The following PTK2B variants were observed in gnomAD, a reference collection of about 807,000 sequenced individuals.
PTK2B encodes the protein protein tyrosine kinase 2 beta, also known as protein-tyrosine kinase 2-beta.
In PTK2B, 71 loss-of-function variants were observed where a neutral mutation model predicts 142.9. That is an observed-to-expected ratio of 0.50 (90% CI 0.41 to 0.61). PTK2B has a LOEUF of 0.61. Among genes scored for constraint, PTK2B ranks in the 20% least tolerant of loss-of-function variants. The pLI is 0.00. For missense variants in PTK2B, 1,105 were observed against 1,320.4 expected (o/e 0.84, Z 2.53); for synonymous variants, 519 against 503.4 (o/e 1.03, Z -0.42).
intron 1 of PTK2B, among the ~76,000 whole-genome samples, chr8:27,393,571 A>G (rs980191614): frequency 2.0e-5 from 3 of 152,150 alleles, no homozygotes; most frequent in African/African-American, 7.2e-5. Context: ...CAGGACCGAT[A>G]TGGGAGTTGG....
chr8:27,359,009 T>C (rs1805542908), intron 1 of PTK2B, among the ~76,000 whole-genome samples: 1 of 152,186 alleles, frequency 6.6e-6, no homozygotes, highest in African/African-American at 2.4e-5. Context: ...TGTCCACTGG[T>C]ATTATAGTAT....
chr8:27,434,093 A>G lies in PTK2B; in HGVS notation c.1106A>G (p.Asp369Gly), dbSNP rs1175348461. Residue 369 changes from aspartate to glycine, a missense_variant and splice_region_variant, in exon 12 of 31, where the codon GAT (aspartate) becomes GGT (glycine). Physicochemically the swap from Asp to Gly is moderately conservative, Grantham distance 94. Transcript: ENST00000346049. The stretch of plus-strand genomic sequence containing the variant: ...CTCCTCCTTCCTCCTCTCTTCCTAG[A>G]TGGTGAGAAGCGGAACAGCCTGCCC... ...QGSLIIHPRK[D>G]GEKRNSLPQI... is the part of the protein sequence containing the mutation. 4 of 1,613,952 alleles carry G rather than the reference A, an allele frequency of 2.5e-6. No homozygotes were observed. Among genetic ancestry groups the G allele is most frequent in the African/African-American group, 2.7e-5 (2 of 74,882 alleles).
intron 1 of PTK2B, among the ~76,000 whole-genome samples, chr8:27,339,952 G>A (rs990575599): frequency 6.6e-5 from 10 of 152,342 alleles, no homozygotes; most frequent in South Asian, 6.2e-4. Context: ...CGGTCAGGAC[G>A]GAGTCTCACC....
chr8:27,425,178 CAT>C (rs919894530), intron 5 of PTK2B, among the ~76,000 whole-genome samples: 9 of 151,144 alleles, frequency 6.0e-5, no homozygotes, highest in African/African-American at 1.7e-4. Flanking sequence ...TACTATATAA[CAT>C]ATATATGCTA....
intron 1 of PTK2B, among the ~76,000 whole-genome samples, chr8:27,384,274 G>T (rs975058173): frequency 6.6e-6 from 1 of 152,234 alleles, no homozygotes; most frequent in African/African-American, 2.4e-5. Flanking sequence ...GGGATGACAG[G>T]CATGAGCCAC....
intron 2 of PTK2B, among the ~76,000 whole-genome samples, chr8:27,401,022 C>T (rs919744509): frequency 6.6e-6 from 1 of 152,064 alleles, no homozygotes; most frequent in Non-Finnish European, 1.5e-5. Flanking sequence ...ACCTGTAATC[C>T]CAGCTACTCA....
At chr8:27,395,120 A>G (rs1318204404) in intron 1 of PTK2B, among the ~76,000 whole-genome samples, 1 of 152,204 alleles carries the variant, frequency 6.6e-6, no homozygotes, top group East Asian at 1.9e-4. Flanking sequence ...TAAAAATTAT[A>G]GTAGAGGAAG....
chr8:27,454,769 A>G (rs1812044979), intron 30 of PTK2B, among the ~76,000 whole-genome samples, 158 bp downstream of exon 30: 1 of 152,172 alleles, frequency 6.6e-6, no homozygotes, highest in Non-Finnish European at 1.5e-5. Flanking sequence ...CTACCACCAG[A>G]GGGCTGAGAG....
intron 7 of PTK2B, 123 bp from the exon 8 acceptor site, chr8:27,430,752 CT>C: frequency 7.3e-7 from 1 of 1,363,364 alleles, no homozygotes; most frequent in Non-Finnish European, 1.0e-6. Context: ...ATCACAGCTG[CT>C]TTTGGGGCAA....
At chr8:27,439,258 G>A (rs1365387707) in intron 19 of PTK2B, 51 bp from the exon 20 acceptor site, 21 of 1,565,162 alleles carry the variant, frequency 1.3e-5, no homozygotes, top group Admixed American at 1.7e-5. Context: ...TGTATTTCTG[G>A]ATAATTCTGA....
At chr8:27,450,192 C>T (rs1811714232) in intron 24 of PTK2B, among the ~76,000 whole-genome samples, 1 of 152,132 alleles carries the variant, frequency 6.6e-6, no homozygotes, top group Non-Finnish European at 1.5e-5. Context: ...TCTGCTCATT[C>T]ATGGACACAC....
chr8:27,402,145 C>T (rs534143139), intron 2 of PTK2B, among the ~76,000 whole-genome samples: 1 of 152,208 alleles, frequency 6.6e-6, no homozygotes, highest in East Asian at 1.9e-4. Context: ...AAAGCCTGCA[C>T]TCTTAACCAC....
intron 26 of PTK2B, among the ~76,000 whole-genome samples, 178 bp from the exon 27 acceptor site, chr8:27,451,307 C>T (rs1355286247): frequency 6.6e-6 from 1 of 152,192 alleles, no homozygotes; most frequent in Non-Finnish European, 1.5e-5. Flanking sequence ...CTCCCCAGGG[C>T]CCCTCGGCCT....
rs756231165 is a variant in PTK2B at position 27,458,314 on chromosome 8, G to T, written c.2835G>T (p.Leu945=). ...TACAGATCGAGGGCACCCAGAAACTGCTCAACAAAGACCTGGCAGAGCTCA... is the reference window on the plus strand; with the variant it reads ...TACAGATCGAGGGCACCCAGAAACTTCTCAACAAAGACCTGGCAGAGCTCA... ...SRTEIEGTQK[L]LNKDLAELIN... The change falls in exon 31 of 31, where the codon CTG becomes CTT. Residue 945 remains leucine (L), a synonymous_variant. Transcript: ENST00000346049. 1.2e-6 allele frequency: 2 copies of T among 1,614,088 alleles called. No individual in the cohort carries two copies. The highest frequency in any genetic ancestry group is 1.7e-6 in the Non-Finnish European group (2 of 1,179,984).
chr8:27,419,534 G>A (rs1054864617), intron 2 of PTK2B, among the ~76,000 whole-genome samples: 8 of 152,196 alleles, frequency 5.3e-5, no homozygotes, highest in African/African-American at 1.9e-4. Context: ...AGTGATGCTG[G>A]CTAAATTGCA....
At chr8:27,438,487 A>C (rs5000605) in intron 18 of PTK2B, among the ~76,000 whole-genome samples, 1 of 103,274 alleles carries the variant, frequency 9.7e-6, no homozygotes, top group Non-Finnish European at 2.3e-5. Context: ...TGAAGCTCTC[A>C]TGCGATCCTG....
chr8:27,344,431 A>G (rs1202251863), intron 1 of PTK2B, among the ~76,000 whole-genome samples: 1 of 152,208 alleles, frequency 6.6e-6, no homozygotes, highest in Non-Finnish European at 1.5e-5. Context: ...CTGCATGCTG[A>G]AGGGTGACAA....
At chr8:27,421,902 T>C (rs1809779340) in intron 4 of PTK2B, among the ~76,000 whole-genome samples, 1 of 152,252 alleles carries the variant, frequency 6.6e-6, no homozygotes, top group Admixed American at 6.5e-5. Flanking sequence ...TTCCAAGATC[T>C]CCCTCCTGGT....
intron 21 of PTK2B, 85 bp downstream of exon 21, chr8:27,440,526 C>A: frequency 2.0e-6 from 3 of 1,469,558 alleles, no homozygotes; most frequent in Admixed American, 1.7e-5. Context: ...GTTTGCACCA[C>A]ATCTCCCTAA....
Sources: gnomAD v4.1 joint callset for allele counts (sites outside exome capture counted in the v4.1 genomes callset) on GRCh38, gnomAD v4.1.1 for gene constraint, MANE v1.5 for transcripts, NCBI Gene and HGNC (gene_info 2026-07-23, HGNC 2026-07-21) for gene names.